The following C1RL variants were observed in gnomAD, a reference collection of about 807,000 sequenced individuals.
C1RL encodes the protein complement C1r subcomponent like.
Under a neutral mutation model 27.9 loss-of-function variants are expected in C1RL, and 27 were observed. The ratio of observed to expected loss-of-function variants is 0.97; its 90% CI spans 0.71 to 1.33. C1RL has a LOEUF of 1.33. Ranked by LOEUF, C1RL falls within the 40% of genes most tolerant of loss-of-function variation. C1RL has a pLI of 0.00. For missense variants in C1RL, 563 were observed against 623.9 expected (o/e 0.90, Z 1.04); for synonymous variants, 248 against 252.1 (o/e 0.98, Z 0.15).
At position 7,096,770 on chromosome 12, in the gene C1RL, T is replaced by C. The variant is rs1457902128; in HGVS notation, c.1085A>G (p.Asp362Gly). The change falls in exon 6 of 6, where the codon GAT becomes GGT. Residue 362 changes from aspartate (D) to glycine (G), a missense_variant. Asp to Gly is a moderately conservative substitution (Grantham distance 94, BLOSUM62 -1). Coordinates refer to ENST00000266542, the MANE Select transcript of C1RL (RefSeq NM_016546.4). ...GPNVLPVCLP[D>G]NETLYRSGLL... ...GCCGCTGCGGTAGAGGGTCTCATTATCGGGCAGACAGACCGGGAGGACGTT... is the reference window on the plus strand; with the variant it reads ...GCCGCTGCGGTAGAGGGTCTCATTACCGGGCAGACAGACCGGGAGGACGTT... 6.2e-7 allele frequency: 1 copy of C among 1,607,978 alleles called. No homozygotes were observed. Among genetic ancestry groups the C allele is most frequent in the South Asian group, 1.1e-5 (1 of 90,132 alleles).
In C1RL at chr12:7,094,989, C is replaced by T; in HGVS notation, c.*1402G>A. The T allele has an allele frequency of 2.7e-6, 3 of 1,109,328 alleles. No individual in the cohort carries two copies. Among genetic ancestry groups the T allele is most frequent in the Non-Finnish European group, 3.3e-6 (3 of 901,432 alleles). The allele number at this position is 1,109,328 out of a possible 1,614,324, so 68.7% of individuals were successfully genotyped here. ...GCCATTTTTTAGAGATAAATTTAAC[C>T]TTTGACCATATAGCAACTTGACTCT... On this transcript the variant is annotated 3_prime_UTR_variant, in exon 6 of 6. Coordinates refer to ENST00000266542, the MANE Select transcript of C1RL (RefSeq NM_016546.4).
intron 5 of C1RL, among the ~76,000 whole-genome samples, chr12:7,099,103 T>TA (rs1938535564): frequency 2.0e-5 from 3 of 150,576 alleles, no homozygotes; most frequent in African/African-American, 7.3e-5. Context: ...CAGGTGCCTG[T>TA]AATCCCAGCT....
At chr12:7,106,175 G>A (rs1306769690) in intron 2 of C1RL, among the ~76,000 whole-genome samples, 1 of 152,148 alleles carries the variant, frequency 6.6e-6, no homozygotes, top group Non-Finnish European at 1.5e-5. Flanking sequence ...AAGTTCTAGA[G>A]AGAGAAAACA....
At position 7,096,578 on chromosome 12, in the gene C1RL, G is replaced by A. The variant is rs771340998; in HGVS notation, c.1277C>T (p.Thr426Met). 6.8e-6 allele frequency: 11 copies of A among 1,614,090 alleles called. No homozygotes were observed. Among genetic ancestry groups the A allele is most frequent in the African/African-American group, 5.3e-5 (4 of 74,994 alleles). Reference sequence around the variant, plus strand: ...CCCCTGGCAGACACTGTGCCTTTGCGTCTCATCCCCAACACAGAACATATT... The same window carrying A: ...CCCCTGGCAGACACTGTGCCTTTGCATCTCATCCCCAACACAGAACATATT... The part of the protein sequence containing the change: ...SDNMFCVGDE[T>M]QRHSVCQGDS... Residue 426 changes from threonine (T) to methionine (M), a missense_variant, in exon 6 of 6, where the codon ACG becomes ATG. Coordinates refer to ENST00000266542, the MANE Select transcript of C1RL (RefSeq NM_016546.4).
At position 7,104,556 on chromosome 12, in the gene C1RL, C is replaced by T. The variant is rs964288661; in HGVS notation, c.301-2469G>A. On this transcript the variant is annotated intron_variant, in intron 2 of 5. Transcript: ENST00000266542. The surrounding 1 kb of genome is among the most constrained non-coding windows in gnomAD (Gnocchi z 5.4). Reference sequence around the variant, plus strand: ...ATCCCAAGCTGTGCCTGCTAGGCGACCTGGTATGTCTCCACGGTCCCAGTG... The same window carrying T: ...ATCCCAAGCTGTGCCTGCTAGGCGATCTGGTATGTCTCCACGGTCCCAGTG... 1.3e-5 allele frequency among the ~76,000 whole-genome samples: 2 copies of T among 152,196 alleles called. No individual in the cohort carries two copies. The highest frequency in any genetic ancestry group is 2.9e-5 in the Non-Finnish European group (2 of 68,040).
Position 7,096,938 on chromosome 12 carries a change from G to C in C1RL, c.917C>G (p.Thr306Arg), listed in dbSNP as rs1405722109. ...NQSVNVFLGH[T>R]AIDEMLKLGN... ...CAGTTTCAGCATCTCATCTATGGCTGTGTGGCCCAAGAACACATTCACACT... is the reference window on the plus strand; with the variant it reads ...CAGTTTCAGCATCTCATCTATGGCTCTGTGGCCCAAGAACACATTCACACT... The change falls in exon 6 of 6, where the codon ACA becomes AGA. Residue 306 changes from threonine (T) to arginine (R), a missense_variant. Physicochemically the swap from Thr to Arg is moderately conservative, Grantham distance 71. Transcript: ENST00000266542. 4.3e-6 allele frequency: 7 copies of C among 1,611,562 alleles called. No individual in the cohort carries two copies. Among genetic ancestry groups the C allele is most frequent in the African/African-American group, 1.3e-5 (1 of 74,884 alleles).
chr12:7,105,123 A>G (rs143091621), intron 2 of C1RL, among the ~76,000 whole-genome samples: 1 of 152,296 alleles, frequency 6.6e-6, no homozygotes, highest in East Asian at 1.9e-4. Flanking sequence ...GCTGCCCCCA[A>G]ATAAAATGCT....
intron 1 of C1RL, 89 bp downstream of exon 1, chr12:7,109,021 A>AGGGGGGGGGG (rs1938872852): frequency 3.4e-6 from 1 of 290,362 alleles, no homozygotes; most frequent in Admixed American, 5.6e-5. Flanking sequence ...TGGGGGGGGT[A>AGGGGGGGGGG]GGGTGGGGGG....
At chr12:7,107,900 G>A (rs1043028225) in intron 2 of C1RL, among the ~76,000 whole-genome samples, 20 of 152,230 alleles carry the variant, frequency 1.3e-4, no homozygotes, top group Admixed American at 7.2e-4. Context: ...ACCTGATAGA[G>A]CAGGCACTCA....
chr12:7,099,583 T>C (rs1938551449), intron 5 of C1RL, 103 bp downstream of exon 5: 2 of 1,481,728 alleles, frequency 1.3e-6, no homozygotes, highest in South Asian at 1.3e-5. Context: ...CTGCTTCTTA[T>C]CTTCCTTTCT....
Position 7,104,088 on chromosome 12 carries a change from T to G in C1RL, c.301-2001A>C, listed in dbSNP as rs1382233748. ...TGTCAACACACTTTGGAAGATGGAG[T>G]GGAGATGCAAGTGATAACTTGAGTT... is the stretch of plus-strand genomic sequence containing the variant. On this transcript the variant is annotated intron_variant, in intron 2 of 5. Transcript: ENST00000266542. This position sits in a 1 kb window ranked among gnomAD's most constrained non-coding sequence, Gnocchi z 5.4. 6.6e-6 allele frequency among the ~76,000 whole-genome samples: 1 copy of G among 151,010 alleles called. No individual in the cohort carries two copies. The highest frequency in any genetic ancestry group is 1.5e-5 in the Non-Finnish European group (1 of 67,712).
chr12:7,105,023 C>T (rs180988101), intron 2 of C1RL, among the ~76,000 whole-genome samples: 24 of 152,318 alleles, frequency 1.6e-4, no homozygotes, highest in Admixed American at 3.9e-4. Flanking sequence ...TGAGCTGCAT[C>T]TCCCTCCACC....
intron 1 of C1RL, 23 bp from the exon 2 acceptor site, chr12:7,108,502 G>A: frequency 1.3e-6 from 2 of 1,552,412 alleles, no homozygotes; most frequent in Non-Finnish European, 1.7e-6. Flanking sequence ...GGGAGGGCAA[G>A]GTGGGGCCGC....
chr12:7,096,090 A>G lies in C1RL; in HGVS notation c.*301T>C. 8.7e-7 allele frequency: 1 copy of G among 1,154,890 alleles called. No homozygotes were observed. Among genetic ancestry groups the G allele is most frequent in the Non-Finnish European group, 1.1e-6 (1 of 937,620 alleles). The allele number at this position is 1,154,890 out of a possible 1,614,324, so 71.5% of individuals were successfully genotyped here. On this transcript the variant is annotated 3_prime_UTR_variant, in exon 6 of 6. Transcript: ENST00000266542. ...GAAGTAGGGGAAGGCGGTTCTAAGG[A>G]CATTCAAGGCGAAAGTTGTTGAGAT...
At chr12:7,108,994 G>GTGTGTGTGTGTGTGTGTGTCT in intron 1 of C1RL, 116 bp downstream of exon 1, 3 of 382,632 alleles carry the variant, frequency 7.8e-6, no homozygotes, top group Non-Finnish European at 4.7e-6. Flanking sequence ...TGTGTGGGGG[G>GTGTGTGTGTGTGTGTGTGTCT]GGGGGGGATG....
Position 7,096,493 on chromosome 12 carries a change from G to T in C1RL, c.1362C>A (p.Gly454=). 2 of 1,614,116 alleles carry T rather than the reference G, an allele frequency of 1.2e-6. No homozygotes were observed. The highest frequency in any genetic ancestry group is 1.7e-6 in the Non-Finnish European group (2 of 1,180,012). ...CACACCCTATGCCCCAGGACACAATGCCCGTGGCCACCCAGTGATGGGCAT... is the reference window on the plus strand; with the variant it reads ...CACACCCTATGCCCCAGGACACAATTCCCGTGGCCACCCAGTGATGGGCAT... ...DNHAHHWVAT[G]IVSWGIGCGE... Residue 454 remains glycine, a synonymous_variant, in exon 6 of 6, where the codon GGC becomes GGA. Transcript: ENST00000266542.
At position 7,094,791 on chromosome 12, in the gene C1RL, C is replaced by T. The variant is rs1938378946; in HGVS notation, c.*1600G>A. ...ATGGGGTTTCACTATGTTGCTTAGGCTGGACTTCAACTCCTGGGCTCAAGC... is the reference window on the plus strand; with the variant it reads ...ATGGGGTTTCACTATGTTGCTTAGGTTGGACTTCAACTCCTGGGCTCAAGC... On this transcript the variant is annotated 3_prime_UTR_variant, in exon 6 of 6. Transcript: ENST00000266542. 1 of 951,876 alleles carries T rather than the reference C, an allele frequency of 1.1e-6. No individual in the cohort carries two copies. Among genetic ancestry groups the T allele is most frequent in the Non-Finnish European group, 1.3e-6 (1 of 799,502 alleles). The allele number at this position is 951,876 out of a possible 1,614,324, so 59.0% of individuals were successfully genotyped here. A position where few individuals can be genotyped will look rare whatever the true frequency, so the allele number is the denominator to read the frequency against.
chr12:7,102,367 C>CT (rs1197892046), intron 2 of C1RL, among the ~76,000 whole-genome samples: 1 of 152,192 alleles, frequency 6.6e-6, no homozygotes, highest in Admixed American at 6.5e-5. Context: ...TAAGAAGTTC[C>CT]TTGGGAACAC....
chr12:7,101,087 T>TTCCCTCCC (rs1565636730), intron 3 of C1RL, among the ~76,000 whole-genome samples: 2 of 101,716 alleles, frequency 2.0e-5, no homozygotes, highest in Non-Finnish European at 4.1e-5. Context: ...CCTTCCTTCC[T>TTCCCTCCC]TCCCTCCTTC....
Sources: gnomAD v4.1 joint callset for allele counts (sites outside exome capture counted in the v4.1 genomes callset) on GRCh38, gnomAD v4.1.1 for gene constraint, Gnocchi (gnomAD v3.1) non-coding constraint, MANE v1.5 for transcripts, NCBI Gene and HGNC (gene_info 2026-07-23, HGNC 2026-07-21) for gene names.